Variants in IL26 observed in about 807,000 individuals in gnomAD.
The protein encoded by IL26 is interleukin-26.
In IL26, 23 loss-of-function variants were observed where a neutral mutation model predicts 21.7. The observed-to-expected ratio is 1.06, with a 90% CI of 0.76 to 1.50. The LOEUF (loss-of-function observed/expected upper bound fraction) is 1.50, where lower values mean the gene tolerates loss of function less well. Ranked by LOEUF, IL26 falls within the 40% of genes most tolerant of loss-of-function variation. The pLI, the probability that IL26 is intolerant of heterozygous loss-of-function variation, is 0.00. For synonymous variants in IL26, 63 were observed against 67.8 expected (o/e 0.93, Z 0.34); for missense variants, 204 against 196.0 (o/e 1.04, Z -0.24).
chr12:68,220,390 A>T (rs1000447960), intron 3 of IL26, among the ~76,000 whole-genome samples: 10 of 152,200 alleles, frequency 6.6e-5, no homozygotes, highest in African/African-American at 1.9e-4. Context: ...AGATTGGTTT[A>T]ACTTTGAAAA....
intron 3 of IL26, among the ~76,000 whole-genome samples, chr12:68,204,960 G>A (rs1349199739): frequency 1.3e-5 from 2 of 149,154 alleles, no homozygotes; most frequent in South Asian, 2.2e-4. Flanking sequence ...TAGCTGCAGC[G>A]GCTGAAATTA....
chr12:68,213,228 C>T (rs1357188109), intron 3 of IL26, among the ~76,000 whole-genome samples: 1 of 152,050 alleles, frequency 6.6e-6, no homozygotes, highest in East Asian at 1.9e-4. Context: ...GGGATGCATC[C>T]AGCCTGATCT....
At chr12:68,216,539 T>C (rs150517032) in intron 3 of IL26, among the ~76,000 whole-genome samples, 5 of 152,348 alleles carry the variant, frequency 3.3e-5, no homozygotes, top group African/African-American at 1.2e-4. Context: ...GCTACTGTTA[T>C]TGAAGACACA....
At chr12:68,224,047 CCT>C (rs1491269906) in intron 3 of IL26, among the ~76,000 whole-genome samples, 13 of 151,182 alleles carry the variant, frequency 8.6e-5, no homozygotes, top group East Asian at 7.7e-4. Flanking sequence ...ACACCCCCCC[CCT>C]CTAATGGCCC....
At position 68,225,605 on chromosome 12, in the gene IL26, C is replaced by T; in HGVS notation, c.152G>A (p.Trp51Ter). ...AVDALYIKAA[W>*]LKATIPEDRI... is the part of the protein sequence containing the mutation. ...ACTTACTGGAATCGTTGCTTTGAGC[C>T]ATGCTGCTTTGATATAGAGAGCGTC... The change falls in exon 1 of 5, where the codon TGG (tryptophan) becomes TAG (stop). Residue 51 changes from tryptophan (W) to a stop codon, truncating the protein, a stop_gained. Coordinates refer to ENST00000229134, the MANE Select transcript of IL26 (RefSeq NM_018402.2). LOFTEE classifies it high-confidence loss of function. 6.2e-7 allele frequency: 1 copy of T among 1,613,948 alleles called. No individual in the cohort carries two copies. The highest frequency in any genetic ancestry group is 8.5e-7 in the Non-Finnish European group (1 of 1,179,858).
At chr12:68,207,176 T>C (rs1282024529) in intron 3 of IL26, among the ~76,000 whole-genome samples, 1 of 152,206 alleles carries the variant, frequency 6.6e-6, no homozygotes, top group Non-Finnish European at 1.5e-5. Context: ...AGAAATTTCC[T>C]TTTCTTTTTT....
intron 3 of IL26, among the ~76,000 whole-genome samples, chr12:68,206,592 C>T (rs530371732): frequency 3.9e-4 from 59 of 152,298 alleles, no homozygotes; most frequent in African/African-American, 1.3e-3. Context: ...GTGTTTATCT[C>T]TTCCCTTCAA....
intron 3 of IL26, among the ~76,000 whole-genome samples, chr12:68,214,643 G>A (rs1486870241): frequency 1.3e-5 from 2 of 152,058 alleles, no homozygotes; most frequent in Non-Finnish European, 2.9e-5. Flanking sequence ...TAAAAGGATA[G>A]CTAGTCCTGC....
intron 3 of IL26, among the ~76,000 whole-genome samples, chr12:68,224,798 G>T (rs1869189298): frequency 6.6e-6 from 1 of 151,842 alleles, no homozygotes; most frequent in Non-Finnish European, 1.5e-5. Flanking sequence ...TTAGAATAGT[G>T]TTTGGCACAA....
intron 3 of IL26, among the ~76,000 whole-genome samples, chr12:68,218,232 C>T (rs887709041): frequency 1.7e-4 from 12 of 69,248 alleles, no homozygotes; most frequent in Non-Finnish European, 5.3e-5. Context: ...TGACCCATAA[C>T]GAGGGAAAAA....
At chr12:68,205,074 A>C (rs1366230022) in intron 3 of IL26, among the ~76,000 whole-genome samples, 1 of 152,216 alleles carries the variant, frequency 6.6e-6, no homozygotes, top group African/African-American at 2.4e-5. Flanking sequence ...AATTATTGGT[A>C]GGGCTAGAAT....
At chr12:68,203,118 T>C (rs1195546897) in intron 3 of IL26, among the ~76,000 whole-genome samples, 2 of 152,038 alleles carry the variant, frequency 1.3e-5, no homozygotes, top group Admixed American at 6.5e-5. Flanking sequence ...CTTTCGAAAT[T>C]AGGAGAAGCA....
chr12:68,221,087 G>A (rs996893472), intron 3 of IL26, among the ~76,000 whole-genome samples: 1 of 151,992 alleles, frequency 6.6e-6, no homozygotes, highest in African/African-American at 2.4e-5. Context: ...TCCAGAAGTG[G>A]GAATTAGGAA....
intron 3 of IL26, among the ~76,000 whole-genome samples, chr12:68,220,597 C>A (rs962887487): frequency 6.6e-6 from 1 of 152,122 alleles, no homozygotes; most frequent in Admixed American, 6.5e-5. Context: ...AAAGAAAAAA[C>A]TATTATATTG....
chr12:68,212,432 AGAAGTATCTTGAT>A (rs1868759920), intron 3 of IL26, among the ~76,000 whole-genome samples: 1 of 152,110 alleles, frequency 6.6e-6, no homozygotes, highest in Admixed American at 6.5e-5. Flanking sequence ...GAAGAATGCT[AGAAGTATCTTGAT>A]AGAAATTGCA....
chr12:68,219,913 CATATTAAGGAA>C (rs1869000317), intron 3 of IL26, among the ~76,000 whole-genome samples: 1 of 151,838 alleles, frequency 6.6e-6, no homozygotes, highest in Non-Finnish European at 1.5e-5. Flanking sequence ...ATATTAAAAG[CATATTAAGGAA>C]ATATCATGAA....
At chr12:68,221,600 A>G (rs1452159540) in intron 3 of IL26, among the ~76,000 whole-genome samples, 1 of 152,242 alleles carries the variant, frequency 6.6e-6, no homozygotes, top group African/African-American at 2.4e-5. Context: ...TGAATGTCAA[A>G]AGAGTTGTAC....
intron 3 of IL26, among the ~76,000 whole-genome samples, chr12:68,222,107 T>C (rs1012487795): frequency 1.3e-5 from 2 of 152,276 alleles, no homozygotes; most frequent in South Asian, 4.1e-4. Context: ...CCATTAAAAA[T>C]TGTCAACAGA....
rs376115904 is a variant in IL26, at chr12:68,223,884, G to GTT, written c.363+1263_363+1264dup. Among the ~76,000 whole-genome samples the GTT allele has an allele frequency of 4.7e-3, 620 of 132,250 alleles. 22 individuals are homozygous for GTT. Among genetic ancestry groups the GTT allele is most frequent in the South Asian group, 5.7e-3 (23 of 4,044 alleles). 86.8% of individuals were successfully genotyped at this position (132,250 alleles called of 152,430 possible). Reference sequence around the variant, plus strand: ...AGAAATAGAGAACTTAAATTTGGTGGTTTTTTTTTTTTTTTTTTGCTTGTT... The same window carrying GTT: ...AGAAATAGAGAACTTAAATTTGGTGGTTTTTTTTTTTTTTTTTTTTGCTTGTT... On this transcript the variant is annotated intron_variant, in intron 3 of 4. Coordinates refer to ENST00000229134, the MANE Select transcript of IL26 (RefSeq NM_018402.2).
Sources: allele counts gnomAD v4.1 joint callset (sites outside exome capture counted in the v4.1 genomes callset), GRCh38; gene constraint gnomAD v4.1.1; transcripts MANE v1.5; gene names NCBI Gene and HGNC (gene_info 2026-07-23, HGNC 2026-07-21).